Variants in ADGRD1 observed in about 807,000 individuals in gnomAD.
The protein encoded by ADGRD1 is adhesion G protein-coupled receptor D1.
A neutral mutation model predicts 113.4 loss-of-function variants in ADGRD1; 77 were observed. The observed-to-expected ratio is 0.68, with a 90% CI of 0.57 to 0.82. ADGRD1 has a LOEUF of 0.82. Ranked by LOEUF, ADGRD1 falls within the 40% of genes least tolerant of loss-of-function variation. ADGRD1 has a pLI of 0.00. For synonymous variants in ADGRD1, 474 were observed against 475.0 expected, an observed-to-expected ratio of 1.00 and a Z score of 0.03; for missense variants, 1,036 against 1,139.1, an observed-to-expected ratio of 0.91 and a Z score of 1.30.
At position 131,076,784 on chromosome 12, in the gene ADGRD1, GCTTT is replaced by G; in HGVS notation, c.1474-11_1474-8del. The stretch of plus-strand genomic sequence containing the variant: ...TTCAGCAGCGTCATGCATCGTGTTT[GCTTT>G]CTTTCATTTCAGACACGTAAGCAGC... On this transcript the variant is annotated splice_polypyrimidine_tract_variant and intron_variant, in intron 13 of 24. Transcript: ENST00000261654. The G allele has an allele frequency of 6.2e-7, 1 of 1,612,590 alleles. No individual in the cohort carries two copies. Among genetic ancestry groups the G allele is most frequent in the Non-Finnish European group, 8.5e-7 (1 of 1,178,604 alleles).
At chr12:131,130,703 C>A (rs1005935616) in intron 20 of ADGRD1, among the ~76,000 whole-genome samples, 1 of 152,170 alleles carries the variant, frequency 6.6e-6, no homozygotes, top group Non-Finnish European at 1.5e-5. Flanking sequence ...TGCGGAACAG[C>A]GATGCTGGCC....
At position 131,096,694 on chromosome 12, in the gene ADGRD1, C is replaced by G. The variant is rs1335030071; in HGVS notation, c.1672-8137C>G. Among the ~76,000 whole-genome samples, 1 of 152,170 alleles carries G rather than the reference C, an allele frequency of 6.6e-6. No homozygotes were observed. The highest frequency in any genetic ancestry group is 2.4e-5 in the African/African-American group (1 of 41,424). On this transcript the variant is annotated intron_variant, in intron 15 of 24. Transcript: ENST00000261654. The surrounding 1 kb of genome is among the most constrained non-coding windows in gnomAD (Gnocchi z 5.2). ...GGGCACTGCCGGTCCAGTTTTATAT[C>G]CCGCCTCCATCTGTGAGGATGGGTT...
intron 8 of ADGRD1, among the ~76,000 whole-genome samples, chr12:130,996,895 C>T (rs1875511979): frequency 7.8e-6 from 1 of 128,480 alleles, no homozygotes; most frequent in African/African-American, 3.0e-5. Context: ...TCCTCACTTC[C>T]CAGTAGGGGC....
chr12:130,961,444 C>A (rs762453266), intron 2 of ADGRD1, among the ~76,000 whole-genome samples: 25 of 152,084 alleles, frequency 1.6e-4, no homozygotes, highest in Non-Finnish European at 2.8e-4. Context: ...CCCACCCCTC[C>A]TCCATTTTCT....
In ADGRD1 at chr12:130,984,325, GGGCA is replaced by G. The variant is rs567128183; in HGVS notation, c.490+2264_490+2267del. 2.0e-4 allele frequency among the ~76,000 whole-genome samples: 30 copies of G among 152,278 alleles called. No individual in the cohort carries two copies. The South Asian group carries it at 6.0e-3, about 31-fold the overall frequency. On this transcript the variant is annotated intron_variant, in intron 5 of 24. Transcript: ENST00000261654. This position sits in a 1 kb window ranked among gnomAD's most constrained non-coding sequence, Gnocchi z 4.1. Reference sequence around the variant, plus strand: ...GGTGAGTAGGGGCCACCTCGTGATGGGGCAGCCGCCCTTCCACGCACTGCAGTCA... The same window carrying G: ...GGTGAGTAGGGGCCACCTCGTGATGGGCCGCCCTTCCACGCACTGCAGTCA...
intron 13 of ADGRD1, among the ~76,000 whole-genome samples, chr12:131,033,445 C>T (rs1425426690): frequency 6.6e-6 from 1 of 152,366 alleles, no homozygotes; most frequent in Middle Eastern, 3.4e-3. Context: ...TGCGGCCTTC[C>T]TTCCCGCTCA....
intron 5 of ADGRD1, 77 bp downstream of exon 5, chr12:130,982,140 C>A: frequency 7.8e-7 from 1 of 1,288,452 alleles, no homozygotes; most frequent in Non-Finnish European, 1.1e-6. Context: ...CTGAGAAGCC[C>A]AACGCAGCCC....
intron 20 of ADGRD1, among the ~76,000 whole-genome samples, chr12:131,123,046 T>TTG (rs2136063299): frequency 8.8e-6 from 1 of 113,260 alleles, no homozygotes; most frequent in Non-Finnish European, 1.8e-5. Flanking sequence ...GGAGTTTTTT[T>TTG]TTTTTTTTTT....
Position 131,138,208 on chromosome 12 carries a change from G to A in ADGRD1, c.2508G>A (p.Ala836=), listed in dbSNP as rs144740398. ...GCAGCTCTGCCCGCACCTCCAACGCGAAGCCCTTCCACTCGGACCTCGTGA... is the reference window on the plus strand; with the variant it reads ...GCAGCTCTGCCCGCACCTCCAACGCAAAGCCCTTCCACTCGGACCTCGTGA... ...LTSSSARTSN[A]KPFHSDLMNG... is the part of the protein sequence containing the mutation. Residue 836 remains alanine, a synonymous_variant, in exon 24 of 25, where the codon GCG becomes GCA. Transcript: ENST00000261654. The A allele has an allele frequency of 2.1e-3, 3,414 of 1,613,346 alleles. 4 individuals carry two copies. The highest frequency in any genetic ancestry group is 2.5e-3 in the Middle Eastern group (15 of 6,062).
intron 15 of ADGRD1, 62 bp from the exon 16 acceptor site, chr12:131,104,769 A>T (rs752888173): frequency 3.0e-5 from 36 of 1,189,580 alleles, no homozygotes; most frequent in Non-Finnish European, 4.2e-5. Flanking sequence ...GGCCCTCTGC[A>T]GCTTCAGGCT....
chr12:130,969,031 A>G (rs1871317283), intron 3 of ADGRD1: 1 of 1,534,104 alleles, frequency 6.5e-7, no homozygotes, highest in African/African-American at 1.4e-5. Flanking sequence ...ACTTTTGTGT[A>G]TTCCAATGAT....
chr12:130,963,473 G>C (rs993949513), intron 2 of ADGRD1, among the ~76,000 whole-genome samples: 1 of 152,028 alleles, frequency 6.6e-6, no homozygotes, highest in African/African-American at 2.4e-5. Context: ...TATCTCTCCA[G>C]ACATCTCTCT....
chr12:131,086,737 G>T (rs774898556), intron 15 of ADGRD1, among the ~76,000 whole-genome samples: 3 of 152,226 alleles, frequency 2.0e-5, no homozygotes, highest in Non-Finnish European at 4.4e-5. Flanking sequence ...AGCTGCTCAC[G>T]TGAGCGCGTA....
rs964188974 is a variant in ADGRD1 at position 131,104,998 on chromosome 12, A to T, written c.1775+64A>T. On this transcript the variant is annotated intron_variant, in intron 16 of 24. Transcript: ENST00000261654. The stretch of plus-strand genomic sequence containing the variant: ...CCCCTGCCTGCACCCAGATCTCAAG[A>T]TGGAAGAGACACGGGAGAGGGGAGG... 2.6e-6 allele frequency: 3 copies of T among 1,155,290 alleles called. No individual in the cohort carries two copies. The African/African-American group carries it at 4.6e-5, about 18-fold the overall frequency. The allele number at this position is 1,155,290 out of a possible 1,614,324, so 71.6% of individuals were successfully genotyped here.
intron 15 of ADGRD1, among the ~76,000 whole-genome samples, chr12:131,090,733 G>A (rs928119630): frequency 6.6e-6 from 1 of 152,226 alleles, no homozygotes; most frequent in South Asian, 2.1e-4. Flanking sequence ...TGGACACTGC[G>A]ATGGCTTCCA....
chr12:130,986,714 A>G (rs1873734169), intron 5 of ADGRD1: 1 of 206,656 alleles, frequency 4.8e-6, no homozygotes, highest in African/African-American at 2.3e-5. Flanking sequence ...AAAAGGGGAC[A>G]TCCTTGTCTC....
intron 21 of ADGRD1, 34 bp from the exon 22 acceptor site, chr12:131,136,003 G>T (rs1330294209): frequency 6.2e-7 from 1 of 1,613,032 alleles, no homozygotes; most frequent in Non-Finnish European, 8.5e-7. Flanking sequence ...CTGCCCTCCT[G>T]CCACTCAGGG....
At chr12:131,138,396 A>G (rs1021024988) in intron 24 of ADGRD1, among the ~76,000 whole-genome samples, 167 bp downstream of exon 24, 1 of 151,942 alleles carries the variant, frequency 6.6e-6, no homozygotes, top group African/African-American at 2.4e-5. Flanking sequence ...TGTGTCCCCC[A>G]CACAGTGCCC....
chr12:131,120,960 A>G (rs1254030772), intron 20 of ADGRD1, 47 bp downstream of exon 20: 1 of 1,554,310 alleles, frequency 6.4e-7, no homozygotes, highest in Non-Finnish European at 8.8e-7. Flanking sequence ...GGGGAGGGGC[A>G]GGAGGAGAGG....
Sources: gnomAD v4.1 joint callset for allele counts (sites outside exome capture counted in the v4.1 genomes callset) on GRCh38, gnomAD v4.1.1 for gene constraint, Gnocchi (gnomAD v3.1) non-coding constraint, MANE v1.5 for transcripts, NCBI Gene and HGNC (gene_info 2026-07-23, HGNC 2026-07-21) for gene names.